The following PPARGC1A variants were observed in gnomAD, a reference collection of about 807,000 sequenced individuals.
PPARGC1A encodes the protein peroxisome proliferator-activated receptor gamma coactivator 1-alpha.
Under a neutral mutation model 88.7 loss-of-function variants are expected in PPARGC1A, and 25 were observed. That is an observed-to-expected ratio of 0.28 (90% CI 0.21 to 0.39). The LOEUF (loss-of-function observed/expected upper bound fraction) is 0.39. PPARGC1A is among the 10% of genes least tolerant of loss of function. The pLI, the probability that PPARGC1A is intolerant of heterozygous loss-of-function variation, is 1.00. For synonymous variants in PPARGC1A, 363 were observed against 355.6 expected (o/e 1.02, Z -0.24); for missense variants, 880 against 968.7 (o/e 0.91, Z 1.22).
the PPARGC1A span, among the ~76,000 whole-genome samples, chr4:24,255,810 G>T: frequency 0.4 from 60,137 of 152,054 alleles, 12,638 homozygotes; most frequent in East Asian, 0.56. Context: ...GCTATCAGAT[G>T]ATGGAGCAAG....
intron 4 of PPARGC1A, 69 bp downstream of exon 4, chr4:23,829,394 T>C: frequency 6.5e-7 from 1 of 1,530,844 alleles, no homozygotes; most frequent in Admixed American, 1.7e-5. Context: ...TACAAACTTA[T>C]TTGTTTTACT....
the PPARGC1A span, among the ~76,000 whole-genome samples, chr4:24,288,066 T>C: frequency 2.0e-5 from 3 of 152,122 alleles, no homozygotes; most frequent in African/African-American, 4.8e-5. Flanking sequence ...ACCTAGCAAC[T>C]CTTGGATTTT....
the PPARGC1A span, among the ~76,000 whole-genome samples, chr4:24,204,697 C>T: frequency 2.0e-5 from 3 of 152,150 alleles, no homozygotes; most frequent in African/African-American, 7.2e-5. Context: ...ATTTTGTCCA[C>T]AACTCCCTTG....
the PPARGC1A span, among the ~76,000 whole-genome samples, chr4:24,312,036 G>A: frequency 3.8e-4 from 58 of 152,246 alleles, 1 homozygote; most frequent in African/African-American, 1.3e-3. Context: ...TCCTTCACTC[G>A]TCTCCCGCTT....
the PPARGC1A span, among the ~76,000 whole-genome samples, chr4:24,336,309 T>G: frequency 6.6e-6 from 1 of 152,150 alleles, no homozygotes; most frequent in Non-Finnish European, 1.5e-5. Context: ...ACAGGGATGG[T>G]GAAGGTACAT....
At chr4:24,064,930 A>G in the PPARGC1A span, among the ~76,000 whole-genome samples, 2 of 152,112 alleles carry the variant, frequency 1.3e-5, no homozygotes, top group African/African-American at 2.4e-5. Context: ...AAAGATTATC[A>G]CTCTAGAACA....
the PPARGC1A span, among the ~76,000 whole-genome samples, chr4:23,980,743 T>C: frequency 6.6e-6 from 1 of 152,132 alleles, no homozygotes; most frequent in Non-Finnish European, 1.5e-5. Context: ...CCACTAGATA[T>C]TCTACCCCTA....
chr4:24,026,018 T>C, the PPARGC1A span, among the ~76,000 whole-genome samples: 1 of 152,218 alleles, frequency 6.6e-6, no homozygotes, highest in Non-Finnish European at 1.5e-5. Flanking sequence ...TGCTGTGCTT[T>C]GTCTGCCCTA....
At chr4:23,851,175 A>G (rs1729229995) in intron 2 of PPARGC1A, among the ~76,000 whole-genome samples, 1 of 152,198 alleles carries the variant, frequency 6.6e-6, no homozygotes, top group Non-Finnish European at 1.5e-5. Flanking sequence ...TGGAACAAAA[A>G]TAATTCTCAT....
At chr4:24,416,674 T>G in the PPARGC1A span, among the ~76,000 whole-genome samples, 1 of 152,042 alleles carries the variant, frequency 6.6e-6, no homozygotes, top group Non-Finnish European at 1.5e-5. Context: ...GGGAGAGGCA[T>G]CAGGATTGAA....
chr4:24,380,278 G>A, the PPARGC1A span, among the ~76,000 whole-genome samples: 2 of 152,124 alleles, frequency 1.3e-5, no homozygotes, highest in Admixed American at 6.5e-5. Context: ...AAGAAAGGCA[G>A]TATTCACTAA....
the PPARGC1A span, among the ~76,000 whole-genome samples, chr4:24,320,381 A>G: frequency 1.3e-5 from 2 of 152,208 alleles, no homozygotes; most frequent in Admixed American, 6.5e-5. Context: ...CATGGATTCT[A>G]TTCTACCAGA....
chr4:24,066,817 GTTTT>G, the PPARGC1A span, among the ~76,000 whole-genome samples: 2 of 127,954 alleles, frequency 1.6e-5, no homozygotes, highest in Admixed American at 7.6e-5. Context: ...GACTTCCATG[GTTTT>G]TTTGTTTTTG....
the PPARGC1A span, among the ~76,000 whole-genome samples, chr4:23,918,570 A>C: frequency 6.6e-6 from 1 of 152,124 alleles, no homozygotes; most frequent in African/African-American, 2.4e-5. Flanking sequence ...TGGGTCTCTT[A>C]ATGAGACATC....
the PPARGC1A span, among the ~76,000 whole-genome samples, chr4:24,454,644 G>A: frequency 1.3e-5 from 2 of 151,976 alleles, no homozygotes; most frequent in African/African-American, 4.8e-5. Context: ...AGGCTGAGGT[G>A]AGAGGATCAC....
At chr4:24,173,349 A>G in the PPARGC1A span, among the ~76,000 whole-genome samples, 14 of 151,938 alleles carry the variant, frequency 9.2e-5, no homozygotes, top group East Asian at 1.2e-3. Flanking sequence ...AAAAAAAAAA[A>G]AAAAAAAAGA....
At chr4:24,195,941 A>G in the PPARGC1A span, among the ~76,000 whole-genome samples, 2 of 152,212 alleles carry the variant, frequency 1.3e-5, no homozygotes, top group South Asian at 2.1e-4. Context: ...AGAAGTCCCA[A>G]TCAACAACTG....
At chr4:24,058,365 T>C in the PPARGC1A span, among the ~76,000 whole-genome samples, 1 of 152,200 alleles carries the variant, frequency 6.6e-6, no homozygotes, top group Admixed American at 6.5e-5. Context: ...TTGAACTCAA[T>C]TTTATTGAGA....
the PPARGC1A span, among the ~76,000 whole-genome samples, chr4:24,404,248 G>A: frequency 1.3e-5 from 2 of 151,974 alleles, no homozygotes; most frequent in Non-Finnish European, 2.9e-5. Flanking sequence ...GGGTGACAGA[G>A]TGAGACTCCA....
Sources: allele counts gnomAD v4.1 joint callset (sites outside exome capture counted in the v4.1 genomes callset), GRCh38; gene constraint gnomAD v4.1.1; transcripts MANE v1.5; gene names NCBI Gene and HGNC (gene_info 2026-07-23, HGNC 2026-07-21).